ITK: variants seen among roughly 807,000 people sequenced by gnomAD.
ITK encodes the protein tyrosine-protein kinase ITK/TSK.
Under a neutral mutation model 87.6 loss-of-function variants are expected in ITK, and 45 were observed. That is an observed-to-expected ratio of 0.51 (90% CI 0.40 to 0.66). The LOEUF is 0.66. ITK is among the 30% of genes least tolerant of loss of function. The probability of loss-of-function intolerance (pLI) is 0.00; values close to 1 mark genes in which losing one functional copy is unlikely to be tolerated. For missense variants in ITK, 605 were observed against 766.3 expected, an observed-to-expected ratio of 0.79 and a Z score of 2.48; for synonymous variants, 303 against 273.6, an observed-to-expected ratio of 1.11 and a Z score of -1.06.
intron 3 of ITK, chr5:157,211,605 A>G: frequency 1.8e-6 from 1 of 549,516 alleles, no homozygotes; most frequent in Non-Finnish European, 3.3e-6. Context: ...ATATTTGTAT[A>G]TAACTCATTT....
intron 16 of ITK, 62 bp downstream of exon 16, chr5:157,249,069 C>G: frequency 6.9e-7 from 1 of 1,446,672 alleles, no homozygotes; most frequent in East Asian, 2.3e-5. Flanking sequence ...TCCCTCCTTC[C>G]CTAGAGAAAG....
rs1476137009 is a variant in ITK, at chr5:157,230,628, T to TA, written c.714-1708dup. ...AAAACATATAGGGTATATGCTTAAA[T>TA]AAAATAAAAAATCTTTATAGGCAAT... On this transcript the variant is annotated intron_variant, in intron 7 of 16. Transcript: ENST00000422843. Among the ~76,000 whole-genome samples the TA allele has an allele frequency of 2.0e-5, 3 of 152,254 alleles. No homozygotes were observed. In the South Asian group the frequency reaches 6.2e-4, roughly 32 times the overall value.
intron 11 of ITK, 94 bp from the exon 12 acceptor site, chr5:157,243,529 T>C (rs1433792005): frequency 1.4e-5 from 14 of 1,028,190 alleles, no homozygotes; most frequent in Non-Finnish European, 2.0e-5. Flanking sequence ...AACAATAGGC[T>C]AAAATTCTAG....
At position 157,232,323 on chromosome 5, in the gene ITK, C is replaced by T; in HGVS notation, c.714-17C>T. On this transcript the variant is annotated splice_polypyrimidine_tract_variant and intron_variant, in intron 7 of 16. Coordinates refer to ENST00000422843, the MANE Select transcript of ITK (RefSeq NM_005546.4). ...TTTAAAATATGTCATTGACATATGA[C>T]TTTTCCTTGCTTTCAGGTGGTACAA... 3 of 1,588,066 alleles carry T rather than the reference C, an allele frequency of 1.9e-6. No homozygotes were observed. The highest frequency in any genetic ancestry group is 2.6e-6 in the Non-Finnish European group (3 of 1,157,084).
At chr5:157,216,129 G>A (rs1754293953) in intron 4 of ITK, among the ~76,000 whole-genome samples, 1 of 152,160 alleles carries the variant, frequency 6.6e-6, no homozygotes, top group African/African-American at 2.4e-5. Context: ...ACCCTCTTCT[G>A]ATTTGGTTAA....
intron 2 of ITK, among the ~76,000 whole-genome samples, chr5:157,209,928 T>A (rs973804990): frequency 3.3e-3 from 231 of 69,992 alleles, no homozygotes; most frequent in African/African-American, 8.1e-3. Context: ...ACTGCAGAAA[T>A]TTTTTTTTTT....
intron 1 of ITK, among the ~76,000 whole-genome samples, chr5:157,201,674 A>G (rs951939937): frequency 4.6e-5 from 7 of 151,040 alleles, no homozygotes; most frequent in African/African-American, 1.7e-4. Context: ...AGTGAAATGA[A>G]ATTCTCCAGA....
intron 15 of ITK, 46 bp downstream of exon 15, chr5:157,246,045 GC>G: frequency 2.3e-6 from 3 of 1,297,414 alleles, no homozygotes; most frequent in Non-Finnish European, 3.4e-6. Flanking sequence ...TGGGCTTCAG[GC>G]CAGCTGTTTC....
intron 1 of ITK, among the ~76,000 whole-genome samples, chr5:157,198,936 A>G (rs1345185729): frequency 1.3e-5 from 2 of 151,872 alleles, no homozygotes; most frequent in Non-Finnish European, 2.9e-5. Context: ...CTAACTTTTA[A>G]AATTTTTTTG....
chr5:157,223,619 T>G lies in ITK; in HGVS notation c.647+605T>G, dbSNP rs1206130252. Among the ~76,000 whole-genome samples the G allele has an allele frequency of 1.1e-4, 5 of 45,586 alleles. No individual in the cohort carries two copies. In the East Asian group the frequency reaches 0.016, roughly 148 times the overall value. The allele number at this position is 45,586 out of a possible 152,430, so 29.9% of individuals were successfully genotyped here. On this transcript the variant is annotated intron_variant, in intron 6 of 16. Transcript: ENST00000422843. Reference sequence around the variant, plus strand: ...ATGAGATTCACACTGCCTTTTAAGGTTTTTTTTTCCTCTTAATATATCCGA... The same window carrying G: ...ATGAGATTCACACTGCCTTTTAAGGGTTTTTTTTCCTCTTAATATATCCGA...
chr5:157,221,737 A>G (rs1352618167), intron 5 of ITK, among the ~76,000 whole-genome samples: 1 of 152,176 alleles, frequency 6.6e-6, no homozygotes, highest in Non-Finnish European at 1.5e-5. Context: ...TTCTTCAAAC[A>G]TCCTTGAACA....
chr5:157,183,878 C>A (rs1374549689), intron 1 of ITK, among the ~76,000 whole-genome samples: 2 of 152,146 alleles, frequency 1.3e-5, no homozygotes, highest in Admixed American at 6.5e-5. Flanking sequence ...AGAACATATT[C>A]TGTAATTCTA....
At chr5:157,247,311 AAGTTAC>A (rs1310130158) in intron 15 of ITK, among the ~76,000 whole-genome samples, 1 of 152,204 alleles carries the variant, frequency 6.6e-6, no homozygotes, top group Non-Finnish European at 1.5e-5. Flanking sequence ...AACCAGGTTT[AAGTTAC>A]AGAATGGACT....
intron 8 of ITK, among the ~76,000 whole-genome samples, chr5:157,234,090 C>T (rs1432779922): frequency 2.0e-5 from 3 of 146,744 alleles, no homozygotes; most frequent in African/African-American, 7.5e-5. Context: ...GAGTGATTCT[C>T]CTGCCTCAGC....
chr5:157,198,422 T>A (rs1336588303), intron 1 of ITK, among the ~76,000 whole-genome samples: 1 of 152,196 alleles, frequency 6.6e-6, no homozygotes, highest in Non-Finnish European at 1.5e-5. Flanking sequence ...GTTTTCCTCA[T>A]AGCACATCCA....
chr5:157,228,773 A>G (rs1754588251), intron 7 of ITK, among the ~76,000 whole-genome samples: 1 of 152,120 alleles, frequency 6.6e-6, no homozygotes, highest in Non-Finnish European at 1.5e-5. Flanking sequence ...AACTACAGGC[A>G]CATGCCACCA....
chr5:157,217,772 C>T, intron 4 of ITK, 95 bp from the exon 5 acceptor site: 1 of 1,028,536 alleles, frequency 9.7e-7, no homozygotes, highest in Non-Finnish European at 1.5e-6. Flanking sequence ...TTTCCCTGGG[C>T]CCTTTTTCTC....
Position 157,243,653 on chromosome 5 carries a change from C to G in ITK, c.1091C>G (p.Thr364Ser), listed in dbSNP as rs1272727560. The G allele has an allele frequency of 1.2e-6, 2 of 1,613,248 alleles. No homozygotes were observed. Among genetic ancestry groups the G allele is most frequent in the East Asian group, 4.5e-5 (2 of 44,870 alleles). ...GKWVIDPSEL[T>S]FVQEIGSGQF... ...TGGGTGATCGACCCCTCAGAGCTCA[C>G]TTTTGTGCAAGAGATTGGCAGTGGG... Residue 364 changes from threonine (T) to serine (S), a missense_variant, in exon 12 of 17, where the codon ACT (threonine) becomes AGT (serine). Around this residue, in one of 3 missense-constraint regions of ITK, gnomAD observed 464 missense variants for 578.0 expected, o/e 0.80. Transcript: ENST00000422843.
chr5:157,214,098 T>C (rs1754248393), intron 3 of ITK, 93 bp from the exon 4 acceptor site: 2 of 1,005,914 alleles, frequency 2.0e-6, no homozygotes, highest in Admixed American at 3.4e-5. Flanking sequence ...TCAGGCTCAC[T>C]CAGCCAGGTC....
Sources: gnomAD v4.1 joint callset for allele counts (sites outside exome capture counted in the v4.1 genomes callset) on GRCh38, gnomAD v4.1.1 for gene constraint, gnomAD v4.1.1 regional missense constraint, MANE v1.5 for transcripts, NCBI Gene and HGNC (gene_info 2026-07-23, HGNC 2026-07-21) for gene names.